The following SPIDR variants were observed in gnomAD, a reference collection of about 807,000 sequenced individuals.
The protein encoded by SPIDR is scaffold protein involved in DNA repair, also known as DNA repair-scaffolding protein.
A neutral mutation model predicts 104.6 loss-of-function variants in SPIDR; 93 were observed. The ratio of observed to expected loss-of-function variants is 0.89; its 90% CI spans 0.75 to 1.06. SPIDR has a LOEUF of 1.06. SPIDR is among the 50% of genes least tolerant of loss of function. The probability of loss-of-function intolerance (pLI) is 0.00; values close to 1 mark genes in which losing one functional copy is unlikely to be tolerated. For synonymous variants in SPIDR, 431 were observed against 416.9 expected (o/e 1.03, Z -0.41); for missense variants, 1,154 against 1,111.2 (o/e 1.04, Z -0.55).
intron 5 of SPIDR, among the ~76,000 whole-genome samples, chr8:47,320,005 A>G (rs1554593571): frequency 6.6e-6 from 1 of 152,020 alleles, no homozygotes; most frequent in African/African-American, 2.4e-5. Context: ...GGAAAGATCT[A>G]AAATTGACAC....
At chr8:47,727,020 G>A (rs1290721784) in intron 16 of SPIDR, among the ~76,000 whole-genome samples, 180 bp from the exon 17 acceptor site, 1 of 152,174 alleles carries the variant, frequency 6.6e-6, no homozygotes, top group Non-Finnish European at 1.5e-5. Flanking sequence ...ACTTCTTATT[G>A]TTATAATTTT....
At chr8:47,327,369 T>C (rs2047842813) in intron 5 of SPIDR, among the ~76,000 whole-genome samples, 1 of 152,018 alleles carries the variant, frequency 6.6e-6, no homozygotes, top group African/African-American at 2.4e-5. Context: ...TGTTTTCTCA[T>C]ATTCAGTAGG....
intron 10 of SPIDR, among the ~76,000 whole-genome samples, chr8:47,637,761 G>GGT (rs1188924371): frequency 6.6e-6 from 1 of 152,134 alleles, no homozygotes; most frequent in Non-Finnish European, 1.5e-5. Flanking sequence ...ACCTCCCTGA[G>GGT]GTAGTACTTG....
At chr8:47,543,995 A>G (rs979568826) in intron 8 of SPIDR, among the ~76,000 whole-genome samples, 1 of 152,004 alleles carries the variant, frequency 6.6e-6, no homozygotes, top group Non-Finnish European at 1.5e-5. Context: ...TTAAAGGTTA[A>G]TAAGGAAGGA....
intron 11 of SPIDR, among the ~76,000 whole-genome samples, chr8:47,678,513 G>A (rs1188304234): frequency 6.6e-6 from 1 of 152,198 alleles, no homozygotes; most frequent in East Asian, 1.9e-4. Context: ...TGGAAGCCAA[G>A]GGGAGACTCA....
intron 16 of SPIDR, among the ~76,000 whole-genome samples, chr8:47,713,848 T>A (rs2082202265): frequency 6.6e-6 from 1 of 152,152 alleles, no homozygotes; most frequent in Non-Finnish European, 1.5e-5. Context: ...CAGACAGGCC[T>A]ATCCTCAGGC....
At chr8:47,625,609 C>T (rs1244122748) in intron 10 of SPIDR, among the ~76,000 whole-genome samples, 5 of 151,678 alleles carry the variant, frequency 3.3e-5, no homozygotes, top group Admixed American at 3.3e-4. Context: ...AAACAGAGAG[C>T]CAAATCATGA....
chr8:47,304,878 A>G (rs1397046403), intron 5 of SPIDR, among the ~76,000 whole-genome samples: 3 of 152,336 alleles, frequency 2.0e-5, no homozygotes, highest in African/African-American at 7.2e-5. Context: ...TCATGAATAG[A>G]TTAATATCAT....
Position 47,729,007 on chromosome 8 carries a change from T to G in SPIDR, c.2510T>G (p.Leu837Arg). Residue 837 changes from leucine to arginine, a missense_variant, in exon 18 of 20, where the codon CTG (leucine) becomes CGG (arginine). Transcript: ENST00000297423. ...PVLKRHLQVF[L>R]DCRSRPQCRV... ...CTCAAGAGGCACCTGCAGGTCTTCC[T>G]GGACTGCCGCTCAAGACCGCAGTGC... The G allele has an allele frequency of 6.2e-7, 1 of 1,614,026 alleles. No homozygotes were observed. The highest frequency in any genetic ancestry group is 8.5e-7 in the Non-Finnish European group (1 of 1,180,034).
chr8:47,410,484 T>G (rs1400892563), intron 7 of SPIDR, among the ~76,000 whole-genome samples: 1 of 151,974 alleles, frequency 6.6e-6, no homozygotes, highest in Non-Finnish European at 1.5e-5. Context: ...CCCAGTCACT[T>G]TTTCTTCTAT....
chr8:47,475,449 C>A (rs1240884298), intron 8 of SPIDR, among the ~76,000 whole-genome samples: 2 of 152,134 alleles, frequency 1.3e-5, no homozygotes, highest in Non-Finnish European at 2.9e-5. Context: ...GTGTGTCAGA[C>A]CATTATTTTG....
At chr8:47,569,513 C>T (rs2058278013) in intron 8 of SPIDR, among the ~76,000 whole-genome samples, 3 of 152,236 alleles carry the variant, frequency 2.0e-5, no homozygotes, top group Admixed American at 2.0e-4. Flanking sequence ...ATTTGTTAAA[C>T]CATCAAACAA....
intron 5 of SPIDR, among the ~76,000 whole-genome samples, chr8:47,324,017 T>C (rs2047241600): frequency 6.6e-6 from 1 of 152,192 alleles, no homozygotes; most frequent in Admixed American, 6.5e-5. Context: ...TTTACAGTGC[T>C]AAAAAGTTAT....
intron 5 of SPIDR, among the ~76,000 whole-genome samples, chr8:47,379,868 C>G (rs1484501113): frequency 5.9e-5 from 9 of 152,184 alleles, no homozygotes; most frequent in Non-Finnish European, 2.9e-5. Context: ...TCAGGGCTGT[C>G]CACTCACTGG....
intron 3 of SPIDR, among the ~76,000 whole-genome samples, chr8:47,285,322 T>A (rs2038627185): frequency 6.6e-6 from 1 of 152,216 alleles, no homozygotes; most frequent in Non-Finnish European, 1.5e-5. Context: ...AATGTTTCTT[T>A]AAAATTTATA....
At chr8:47,491,443 T>C (rs2078690131) in intron 8 of SPIDR, among the ~76,000 whole-genome samples, 2 of 151,908 alleles carry the variant, frequency 1.3e-5, no homozygotes, top group South Asian at 4.1e-4. Context: ...AGCAATATAA[T>C]AATATCAGTA....
intron 5 of SPIDR, among the ~76,000 whole-genome samples, chr8:47,306,255 C>T (rs2043076757): frequency 6.6e-6 from 1 of 152,138 alleles, no homozygotes; most frequent in Non-Finnish European, 1.5e-5. Context: ...GATTGTTGTG[C>T]CTTGGCCTCC....
At chr8:47,461,145 T>G (rs1322054760) in intron 8 of SPIDR, among the ~76,000 whole-genome samples, 2 of 152,246 alleles carry the variant, frequency 1.3e-5, no homozygotes, top group African/African-American at 4.8e-5. Context: ...AATGATCTTT[T>G]GTGATGAATT....
intron 5 of SPIDR, among the ~76,000 whole-genome samples, chr8:47,377,878 AAC>A (rs1338515846): frequency 6.6e-6 from 1 of 152,208 alleles, no homozygotes. Context: ...ATATTTCAGA[AAC>A]ACAACATGTT....
Sources: gnomAD v4.1 joint callset for allele counts (sites outside exome capture counted in the v4.1 genomes callset) on GRCh38, gnomAD v4.1.1 for gene constraint, MANE v1.5 for transcripts, NCBI Gene and HGNC (gene_info 2026-07-23, HGNC 2026-07-21) for gene names.